ZNF341: variants seen among roughly 807,000 people sequenced by gnomAD.
ZNF341 encodes the protein zinc finger protein 341.
In ZNF341, 52 loss-of-function variants were observed where a neutral mutation model predicts 87.7. The observed-to-expected ratio is 0.59, with a 90% CI of 0.47 to 0.75. The LOEUF (loss-of-function observed/expected upper bound fraction) is 0.75. ZNF341 is among the 30% of genes least tolerant of loss of function. The pLI is 0.00. For synonymous variants in ZNF341, 459 were observed against 472.7 expected (o/e 0.97, Z 0.38); for missense variants, 977 against 1,145.9 (o/e 0.85, Z 2.13).
chr20:33,770,132 G>A lies in ZNF341; in HGVS notation c.1462G>A (p.Asp488Asn), dbSNP rs770983729. 1.3e-5 allele frequency: 21 copies of A among 1,613,894 alleles called. No homozygotes were observed. The highest frequency in any genetic ancestry group is 6.7e-5 in the East Asian group (3 of 44,896). ...KSCAQTFPKL[D>N]TFLEHIKSHQ... ...CTGTGCCCAGACGTTCCCAAAGCTC[G>A]ACACATTTCTGGAGCACATCAAGAG... Residue 488 changes from aspartate (D) to asparagine (N), a missense_variant, in exon 10 of 15, where the codon GAC becomes AAC. Around this residue, in one of 3 missense-constraint regions of ZNF341, gnomAD observed 241 missense variants for 335.0 expected, o/e 0.72. Coordinates refer to ENST00000375200, the MANE Select transcript of ZNF341 (RefSeq NM_001282933.2).
intron 13 of ZNF341, 57 bp downstream of exon 13, chr20:33,789,031 C>T: frequency 7.5e-7 from 1 of 1,333,074 alleles, no homozygotes; most frequent in Non-Finnish European, 1.1e-6. Context: ...TCCAGGGGTG[C>T]TGCTGGGGAG....
chr20:33,783,963 C>T (rs903559928), intron 12 of ZNF341, 99 bp downstream of exon 12: 68 of 1,189,030 alleles, frequency 5.7e-5, no homozygotes, highest in Non-Finnish European at 1.3e-5. Flanking sequence ...TCTGGCTCTT[C>T]TCCCTGTCTC....
chr20:33,781,201 G>A, intron 10 of ZNF341, 90 bp from the exon 11 acceptor site: 1 of 873,454 alleles, frequency 1.1e-6, no homozygotes, highest in Non-Finnish European at 1.9e-6. Context: ...GTAGGATGTT[G>A]CCTCCTAATG....
intron 5 of ZNF341, among the ~76,000 whole-genome samples, chr20:33,754,300 A>G (rs1049641340): frequency 1.3e-5 from 2 of 152,180 alleles, no homozygotes; most frequent in Admixed American, 1.3e-4. Context: ...TCTAAGTTAT[A>G]GGCCATCTAC....
intron 10 of ZNF341, among the ~76,000 whole-genome samples, chr20:33,770,526 C>CA (rs924080294): frequency 1.7e-4 from 26 of 150,748 alleles, no homozygotes; most frequent in Admixed American, 3.3e-4. Flanking sequence ...ACATTTTTCC[C>CA]AAAAAAAAAT....
chr20:33,791,752 C>G lies in ZNF341; in HGVS notation c.*235C>G. ...GGCAGGGCCATCCACGGTTTCTGGG[C>G]AGAGCCATGGTGGCAGGAGAGAGAT... On this transcript the variant is annotated 3_prime_UTR_variant, in exon 15 of 15. Coordinates refer to ENST00000375200, the MANE Select transcript of ZNF341 (RefSeq NM_001282933.2). 2.1e-6 allele frequency: 1 copy of G among 485,826 alleles called. No homozygotes were observed. The highest frequency in any genetic ancestry group is 3.1e-5 in the East Asian group (1 of 32,694). 30.1% of individuals were successfully genotyped at this position (485,826 alleles called of 1,614,324 possible).
In ZNF341 at chr20:33,748,925, C is replaced by G; in HGVS notation, c.342C>G (p.Ile114Met). 2 of 1,612,630 alleles carry G rather than the reference C, an allele frequency of 1.2e-6. No homozygotes were observed. The highest frequency in any genetic ancestry group is 1.7e-6 in the Non-Finnish European group (2 of 1,178,886). The change falls in exon 4 of 15, where the codon ATC becomes ATG. Residue 114 changes from isoleucine (I) to methionine (M), a missense_variant and splice_region_variant. Ile to Met is a conservative substitution (Grantham distance 10). Around this residue, in one of 3 missense-constraint regions of ZNF341, gnomAD observed 515 missense variants for 598.2 expected, o/e 0.86. Coordinates refer to ENST00000375200, the MANE Select transcript of ZNF341 (RefSeq NM_001282933.2). ...ATTCTCTCTCTCCCACTGTCCAGAT[C>G]TCCACATACATCACAGTGCCCCCGT... ...QQAPTPANRQ[I>M]STYITVPPSP...
At chr20:33,747,801 T>G (rs2018965294) in intron 3 of ZNF341, among the ~76,000 whole-genome samples, 1 of 150,748 alleles carries the variant, frequency 6.6e-6, no homozygotes, top group Non-Finnish European at 1.5e-5. Flanking sequence ...GTTCAAGTGA[T>G]TCTCCTGCCT....
chr20:33,782,913 C>T (rs1039320456), intron 11 of ZNF341, among the ~76,000 whole-genome samples: 18 of 152,016 alleles, frequency 1.2e-4, no homozygotes, highest in African/African-American at 1.7e-4. Flanking sequence ...CCCAGCACTT[C>T]GGGAGGCTGA....
chr20:33,779,377 G>A (rs1411527285), intron 10 of ZNF341, among the ~76,000 whole-genome samples: 1 of 151,766 alleles, frequency 6.6e-6, no homozygotes, highest in Admixed American at 6.6e-5. Flanking sequence ...CCAGCACTGG[G>A]GATTATAGTT....
At chr20:33,774,825 A>C (rs1396199199) in intron 10 of ZNF341, among the ~76,000 whole-genome samples, 1 of 152,046 alleles carries the variant, frequency 6.6e-6, no homozygotes, top group Admixed American at 6.6e-5. Context: ...AAAATTAGCC[A>C]GGCATGGTGG....
intron 2 of ZNF341, among the ~76,000 whole-genome samples, chr20:33,742,199 G>A (rs961526850): frequency 2.6e-5 from 4 of 152,050 alleles, no homozygotes; most frequent in African/African-American, 7.2e-5. Flanking sequence ...ATACCCTTTC[G>A]TTTTGTTTTG....
chr20:33,743,313 G>A (rs139339611), intron 2 of ZNF341, among the ~76,000 whole-genome samples: 2,040 of 149,722 alleles, frequency 0.014, 51 homozygotes, highest in African/African-American at 0.047. Context: ...GATTACAGGC[G>A]TGAGCCACCG....
At chr20:33,778,628 T>A (rs1031075843) in intron 10 of ZNF341, among the ~76,000 whole-genome samples, 1 of 152,036 alleles carries the variant, frequency 6.6e-6, no homozygotes, top group Non-Finnish European at 1.5e-5. Context: ...GGTTTCAGAG[T>A]GCGCCTGGCT....
chr20:33,756,178 AC>A (rs1168218888), intron 5 of ZNF341, among the ~76,000 whole-genome samples: 1 of 151,972 alleles, frequency 6.6e-6, no homozygotes, highest in East Asian at 2.0e-4. Context: ...AGCCGAGATC[AC>A]ATCATTGCAT....
At chr20:33,758,198 G>T (rs2019220122) in intron 6 of ZNF341, among the ~76,000 whole-genome samples, 1 of 152,154 alleles carries the variant, frequency 6.6e-6, no homozygotes, top group Non-Finnish European at 1.5e-5. Flanking sequence ...GGAGGTTAAT[G>T]GGTCTTATGA....
At chr20:33,752,028 C>T in intron 4 of ZNF341, 1 of 364,574 alleles carries the variant, frequency 2.7e-6, no homozygotes, top group East Asian at 6.5e-5. Context: ...CCCAGGTGGG[C>T]AAAATAAGCC....
At chr20:33,782,407 G>A (rs372620858) in intron 11 of ZNF341, among the ~76,000 whole-genome samples, 1 of 152,240 alleles carries the variant, frequency 6.6e-6, no homozygotes, top group African/African-American at 2.4e-5. Context: ...TGCTGATTAC[G>A]TCTCCCTGGT....
chr20:33,748,229 G>T (rs949533504), intron 3 of ZNF341, among the ~76,000 whole-genome samples: 1 of 151,908 alleles, frequency 6.6e-6, no homozygotes, highest in Admixed American at 6.6e-5. Context: ...GCACTACCAC[G>T]CCTAGCTACT....
Sources: allele counts gnomAD v4.1 joint callset (sites outside exome capture counted in the v4.1 genomes callset), GRCh38; gene constraint gnomAD v4.1.1; regional missense constraint gnomAD v4.1.1; transcripts MANE v1.5; gene names NCBI Gene and HGNC (gene_info 2026-07-23, HGNC 2026-07-21).